The following FABP6 variants were observed in gnomAD, a reference collection of about 807,000 sequenced individuals.
The protein encoded by FABP6 is fatty acid binding protein 6.
In FABP6, 13 loss-of-function variants were observed where a neutral mutation model predicts 14.9. The observed-to-expected ratio is 0.87, with a 90% CI of 0.57 to 1.39. The LOEUF (loss-of-function observed/expected upper bound fraction) is 1.39. Among genes scored for constraint, FABP6 ranks in the 40% most tolerant of loss-of-function variants. The pLI, the probability that FABP6 is intolerant of heterozygous loss-of-function variation, is 0.00. For synonymous variants in FABP6, 75 were observed against 63.6 expected (o/e 1.18, Z -0.85); for missense variants, 161 against 167.2 (o/e 0.96, Z 0.20).
In FABP6 at chr5:160,194,159, C is replaced by T. The variant is rs541572136; in HGVS notation, c.-58-4890C>T. The stretch of plus-strand genomic sequence containing the variant: ...CCCAGGTGCTAAGTCCCTCATTGCC[C>T]GGGGCCAGCAGGGCCGGCCGGCTGC... On this transcript the variant is annotated intron_variant, in intron 1 of 6. Transcript: ENST00000393980. Among the ~76,000 whole-genome samples, 37 of 152,304 alleles carry T rather than the reference C, an allele frequency of 2.4e-4. 1 individual carries two copies. In the South Asian group the frequency reaches 7.0e-3, roughly 29 times the overall value.
At chr5:160,200,730 A>T (rs1759619054) in intron 2 of FABP6, among the ~76,000 whole-genome samples, 1 of 152,150 alleles carries the variant, frequency 6.6e-6, no homozygotes, top group Non-Finnish European at 1.5e-5. Context: ...TAGTTTGAGG[A>T]GAGGTCTGTG....
upstream of FABP6, chr5:160,229,478 T>A: frequency 6.2e-7 from 1 of 1,606,958 alleles, no homozygotes; most frequent in Non-Finnish European, 8.5e-7. Context: ...TGGGAGAGTT[T>A]ATAAGCTGGG....
chr5:160,230,025 C>G (rs1013920083), intron 1 of FABP6, among the ~76,000 whole-genome samples: 1 of 138,476 alleles, frequency 7.2e-6, no homozygotes, highest in Admixed American at 7.8e-5. Flanking sequence ...AGGTGTGCAC[C>G]ACCACGCCCG....
At chr5:160,214,430 G>A (rs937611974) in intron 3 of FABP6, among the ~76,000 whole-genome samples, 6 of 151,896 alleles carry the variant, frequency 4.0e-5, no homozygotes, top group Admixed American at 6.6e-5. Flanking sequence ...CTCCCAAAGT[G>A]CTGGGATTAC....
At chr5:160,228,729 T>C (rs567485313), upstream of FABP6, 25 of 349,098 alleles carry the variant, frequency 7.2e-5, 1 homozygote, top group South Asian at 5.4e-4. Context: ...TGCTTTACTC[T>C]GGTTGCATTA....
intron 1 of FABP6, among the ~76,000 whole-genome samples, chr5:160,193,655 A>G (rs1036442999): frequency 1.3e-5 from 2 of 152,206 alleles, no homozygotes; most frequent in African/African-American, 4.8e-5. Flanking sequence ...CCACCAGAGC[A>G]GCTAGATACA....
chr5:160,203,660 A>G (rs545202365), intron 2 of FABP6, among the ~76,000 whole-genome samples: 43 of 151,046 alleles, frequency 2.8e-4, no homozygotes, highest in African/African-American at 9.7e-4. Context: ...ACTGCATCCA[A>G]CTCCACCCAA....
intron 1 of FABP6, among the ~76,000 whole-genome samples, chr5:160,188,901 TC>T (rs1759343732): frequency 6.6e-6 from 1 of 152,218 alleles, no homozygotes; most frequent in South Asian, 2.1e-4. Flanking sequence ...GTGGTGCTTA[TC>T]CAGTCTGCCG....
chr5:160,235,964 C>A (rs770236434), intron 3 of FABP6, among the ~76,000 whole-genome samples: 10 of 151,816 alleles, frequency 6.6e-5, no homozygotes, highest in African/African-American at 2.4e-4. Context: ...CTTATGAGGG[C>A]CCCCGTCCTG....
At chr5:160,215,006 C>T (rs759056364) in intron 3 of FABP6, among the ~76,000 whole-genome samples, 84 of 152,158 alleles carry the variant, frequency 5.5e-4, no homozygotes, top group Admixed American at 2.0e-4. Context: ...CCATGGCCAT[C>T]CAGTGGAACT....
In FABP6 at chr5:160,204,496, TA is replaced by T. The variant is rs771410248; in HGVS notation, c.51+5340del. Among the ~76,000 whole-genome samples the T allele has an allele frequency of 1.6e-3, 242 of 151,418 alleles. 1 individual carries two copies. Among genetic ancestry groups the T allele is most frequent in the Non-Finnish European group, 2.4e-3 (166 of 67,816 alleles). On this transcript the variant is annotated intron_variant, in intron 2 of 6. Coordinates refer to the FABP6 transcript ENST00000393980. ...TGCATCCTATTTTCTTTTCCTTTTT[TA>T]GGGGGGGTGGGGATGGAGTTTCTCT... is the stretch of plus-strand genomic sequence containing the variant.
chr5:160,209,348 T>G (rs1051058767), intron 2 of FABP6, among the ~76,000 whole-genome samples: 3 of 151,690 alleles, frequency 2.0e-5, no homozygotes, highest in African/African-American at 4.8e-5. Context: ...GAAATCTCTC[T>G]CCACAAAAAA....
upstream of FABP6, among the ~76,000 whole-genome samples, chr5:160,225,723 A>T (rs914047180): frequency 6.6e-6 from 1 of 152,148 alleles, no homozygotes; most frequent in Non-Finnish European, 1.5e-5. Flanking sequence ...TTTCAGAAAC[A>T]TGGGACCGTG....
chr5:160,230,794 C>T (rs1313297061), intron 1 of FABP6, among the ~76,000 whole-genome samples: 1 of 152,208 alleles, frequency 6.6e-6, no homozygotes, highest in African/African-American at 2.4e-5. Context: ...GGTGTCACCA[C>T]ATCCTGCCTG....
At chr5:160,206,053 A>C (rs76746375) in intron 2 of FABP6, among the ~76,000 whole-genome samples, 2,999 of 152,310 alleles carry the variant, frequency 0.02, 97 homozygotes, top group African/African-American at 0.067. Flanking sequence ...TCTCACATAT[A>C]CATATCCATA....
At chr5:160,191,015 G>A (rs1406431213) in intron 1 of FABP6, among the ~76,000 whole-genome samples, 1 of 151,160 alleles carries the variant, frequency 6.6e-6, no homozygotes, top group African/African-American at 2.4e-5. Context: ...CTTGAACCCA[G>A]GAGGCAGAGG....
At chr5:160,189,725 A>T (rs7729114) in intron 1 of FABP6, among the ~76,000 whole-genome samples, 86,068 of 152,020 alleles carry the variant, frequency 0.57, 24,561 homozygotes, top group Non-Finnish European at 0.6. Flanking sequence ...TTAAAACATT[A>T]AAAAAATTTT....
intron 3 of FABP6, among the ~76,000 whole-genome samples, chr5:160,218,330 A>G (rs1463656061): frequency 6.6e-6 from 1 of 152,176 alleles, no homozygotes; most frequent in East Asian, 1.9e-4. Flanking sequence ...AAGGTGCCCA[A>G]GGCCACAGAA....
In FABP6 at chr5:160,216,843, C is replaced by A. The variant is rs11135096; in HGVS notation, c.135+3024C>A. ...GAGTGCTTAGCATGGTTGTCTGGTG[C>A]TTTGGGGTCATTCACTAAGTACCAA... On this transcript the variant is annotated intron_variant, in intron 3 of 6. Coordinates refer to the FABP6 transcript ENST00000393980. Among the ~76,000 whole-genome samples the A allele has an allele frequency of 1.6e-3, 248 of 152,238 alleles. 1 individual carries two copies. Among genetic ancestry groups the A allele is most frequent in the African/African-American group, 5.8e-3 (242 of 41,540 alleles).
Sources: gnomAD v4.1 joint callset for allele counts (sites outside exome capture counted in the v4.1 genomes callset) on GRCh38, gnomAD v4.1.1 for gene constraint, MANE v1.5 for transcripts, NCBI Gene and HGNC (gene_info 2026-07-23, HGNC 2026-07-21) for gene names.